CLASP2: variants seen among roughly 807,000 people sequenced by gnomAD.
CLASP2 encodes the protein cytoplasmic linker associated protein 2.
In CLASP2, 47 loss-of-function variants were observed where a neutral mutation model predicts 194.4. The ratio of observed to expected loss-of-function variants is 0.24; its 90% CI spans 0.19 to 0.31. The LOEUF (loss-of-function observed/expected upper bound fraction) is 0.31, where lower values mean the gene tolerates loss of function less well. Among genes scored for constraint, CLASP2 ranks in the 10% least tolerant of loss-of-function variants. The pLI is 1.00. For missense variants in CLASP2, 1,445 were observed against 1,823.6 expected, an observed-to-expected ratio of 0.79 and a Z score of 3.78; for synonymous variants, 619 against 633.5, an observed-to-expected ratio of 0.98 and a Z score of 0.34.
chr3:33,544,691 C>T lies in CLASP2; in HGVS notation c.3297+7G>A. On this transcript the variant is annotated splice_region_variant and intron_variant, in intron 31 of 38. Coordinates refer to ENST00000682230, the MANE Select transcript of CLASP2 (RefSeq NM_001365631.1). ...ATATGATAGCCAAGAAAATAAGTAACAATTACCTGGGTTCCATTGCCAGTG... is the reference window on the plus strand; with the variant it reads ...ATATGATAGCCAAGAAAATAAGTAATAATTACCTGGGTTCCATTGCCAGTG... 6.8e-6 allele frequency: 11 copies of T among 1,606,232 alleles called. No homozygotes were observed. Among genetic ancestry groups the T allele is most frequent in the Non-Finnish European group, 8.5e-6 (10 of 1,177,194 alleles).
intron 6 of CLASP2, among the ~76,000 whole-genome samples, chr3:33,677,895 G>C (rs1419363995): frequency 6.9e-6 from 1 of 144,620 alleles, no homozygotes; most frequent in African/African-American, 2.5e-5. Flanking sequence ...AAAGTAGATA[G>C]GTAAGAAGAG....
At chr3:33,594,909 T>G in intron 20 of CLASP2, 42 bp downstream of exon 20, 1 of 1,133,154 alleles carries the variant, frequency 8.8e-7, no homozygotes, top group Non-Finnish European at 1.2e-6. Context: ...AAAATAGTAA[T>G]GTAGATGTAT....
At position 33,501,772 on chromosome 3, in the gene CLASP2, C is replaced by G; in HGVS notation, c.4318-4G>C. On this transcript the variant is annotated splice_polypyrimidine_tract_variant and splice_region_variant and intron_variant, in intron 37 of 38. Coordinates refer to ENST00000682230, the MANE Select transcript of CLASP2 (RefSeq NM_001365631.1). The stretch of plus-strand genomic sequence containing the variant: ...TGCTCTCTGAATTATCATAACCCTA[C>G]GGAGAGAAGTCCACTGTTAGTACTC... 1 of 1,597,272 alleles carries G rather than the reference C, an allele frequency of 6.3e-7. No homozygotes were observed. Among genetic ancestry groups the G allele is most frequent in the Non-Finnish European group, 8.6e-7 (1 of 1,165,126 alleles).
At chr3:33,525,748 G>A (rs753911670) in intron 34 of CLASP2, among the ~76,000 whole-genome samples, 2 of 152,168 alleles carry the variant, frequency 1.3e-5, no homozygotes, top group Admixed American at 6.5e-5. Context: ...CTACAGCTCC[G>A]GCAAAGTGGG....
chr3:33,566,275 T>C (rs2062723264), intron 27 of CLASP2, among the ~76,000 whole-genome samples: 2 of 152,326 alleles, frequency 1.3e-5, no homozygotes, highest in African/African-American at 4.8e-5. Context: ...TTTGCTTTTA[T>C]GGAATGACAT....
At chr3:33,611,850 T>G in intron 13 of CLASP2, 151 bp downstream of exon 13, 95 of 590,620 alleles carry the variant, frequency 1.6e-4, no homozygotes, top group East Asian at 2.3e-4. Flanking sequence ...TTCCCTTACA[T>G]GAGATATGAT....
chr3:33,576,996 A>G (rs1419788291), intron 23 of CLASP2, among the ~76,000 whole-genome samples: 2 of 151,994 alleles, frequency 1.3e-5, no homozygotes, highest in African/African-American at 2.4e-5. Context: ...AAAAATGTCC[A>G]TATACCAGTG....
chr3:33,562,366 A>G (rs888644779), intron 27 of CLASP2, among the ~76,000 whole-genome samples: 8 of 152,190 alleles, frequency 5.3e-5, no homozygotes, highest in Admixed American at 6.5e-5. Flanking sequence ...CCTGAGGGCC[A>G]GGAATATTGT....
chr3:33,593,846 T>C lies in CLASP2; in HGVS notation c.1966+1105A>G, dbSNP rs560594328. On this transcript the variant is annotated intron_variant, in intron 20 of 38. Transcript: ENST00000682230. ...CACAGTGCGAGAAATCATGTTTTTA[T>C]TTTTATTTATTTCTTGACACACAAT... 2.0e-5 allele frequency among the ~76,000 whole-genome samples: 3 copies of C among 152,352 alleles called. No homozygotes were observed. In the South Asian group the frequency reaches 6.2e-4, roughly 32 times the overall value.
chr3:33,645,607 T>C (rs1318103976), intron 7 of CLASP2: 4 of 319,036 alleles, frequency 1.3e-5, no homozygotes, highest in Non-Finnish European at 2.2e-5. Context: ...TTATTCTATA[T>C]CAAAATTTCA....
At chr3:33,669,313 C>T (rs1235883475) in intron 6 of CLASP2, among the ~76,000 whole-genome samples, 4 of 151,958 alleles carry the variant, frequency 2.6e-5, no homozygotes, top group South Asian at 2.1e-4. Flanking sequence ...GTGAATAAAA[C>T]GTTAAGACAA....
chr3:33,505,388 G>A (rs1220203649), intron 37 of CLASP2: 1 of 152,108 alleles, frequency 6.6e-6, no homozygotes, highest in African/African-American at 2.4e-5. Flanking sequence ...AGGCAGTTAG[G>A]TAAGTTTCTT....
At chr3:33,562,572 A>G (rs13320229) in intron 27 of CLASP2, among the ~76,000 whole-genome samples, 10,685 of 152,160 alleles carry the variant, frequency 0.07, 769 homozygotes, top group African/African-American at 0.19. Context: ...AGGAGTATTT[A>G]CATCTCAGAA....
chr3:33,672,097 T>C (rs2087381818), intron 6 of CLASP2, among the ~76,000 whole-genome samples: 1 of 152,300 alleles, frequency 6.6e-6, no homozygotes, highest in Non-Finnish European at 1.5e-5. Flanking sequence ...GCAGTGGTTC[T>C]CCCAGCAGGC....
At position 33,607,406 on chromosome 3, in the gene CLASP2, C is replaced by T. The variant is rs759558003; in HGVS notation, c.1504G>A (p.Glu502Lys). ...TACTTTCTTGCCTCCACTCTGGCCT[C>T]AGCGTCAGCATCATGAATTCCCTTT... is the stretch of plus-strand genomic sequence containing the variant. Reference protein sequence around the residue: ...IKKGIHDADAEARVEARKTYM... With the variant: ...IKKGIHDADAKARVEARKTYM... The change falls in exon 15 of 39, where the codon GAG becomes AAG. Residue 502 changes from glutamate (E) to lysine (K), a missense_variant. By Grantham distance (56) the Glu-to-Lys change is moderately conservative (BLOSUM62 1). Around this residue, in one of 4 missense-constraint regions of CLASP2, gnomAD observed 207 missense variants for 331.4 expected, o/e 0.62. Transcript: ENST00000682230. 1 of 1,610,868 alleles carries T rather than the reference C, an allele frequency of 6.2e-7. No individual in the cohort carries two copies. The highest frequency in any genetic ancestry group is 8.5e-7 in the Non-Finnish European group (1 of 1,178,746).
chr3:33,711,501 C>A (rs368889594), intron 1 of CLASP2, among the ~76,000 whole-genome samples: 147 of 151,160 alleles, frequency 9.7e-4, no homozygotes, highest in African/African-American at 3.5e-3. Flanking sequence ...CTCAGGTGAT[C>A]GGCCCACTTC....
chr3:33,653,817 C>A (rs1372686423), intron 7 of CLASP2, among the ~76,000 whole-genome samples: 1 of 152,024 alleles, frequency 6.6e-6, no homozygotes, highest in East Asian at 1.9e-4. Flanking sequence ...AATACTATTT[C>A]TGGGTATGTC....
At chr3:33,594,419 C>A (rs2069668993) in intron 20 of CLASP2, among the ~76,000 whole-genome samples, 1 of 152,022 alleles carries the variant, frequency 6.6e-6, no homozygotes, top group Non-Finnish European at 1.5e-5. Flanking sequence ...GGTGAACTAG[C>A]TCAGTAAGAT....
At chr3:33,627,655 C>T (rs191094159) in intron 9 of CLASP2, among the ~76,000 whole-genome samples, 4 of 152,080 alleles carry the variant, frequency 2.6e-5, no homozygotes, top group African/African-American at 4.8e-5. Flanking sequence ...AATAGATAGA[C>T]GTGGTCTTTG....
Sources: allele counts gnomAD v4.1 joint callset (sites outside exome capture counted in the v4.1 genomes callset), GRCh38; gene constraint gnomAD v4.1.1; regional missense constraint gnomAD v4.1.1; transcripts MANE v1.5; gene names NCBI Gene and HGNC (gene_info 2026-07-23, HGNC 2026-07-21).